NUDCD3: variants seen among roughly 807,000 people sequenced by gnomAD.
NUDCD3 encodes the protein NudC domain containing 3, also known as nudC domain-containing protein 3.
In NUDCD3, 13 loss-of-function variants were observed where a neutral mutation model predicts 39.7. That is an observed-to-expected ratio of 0.33 (90% CI 0.21 to 0.52). The LOEUF (loss-of-function observed/expected upper bound fraction) is 0.52, where lower values mean the gene tolerates loss of function less well. Among genes scored for constraint, NUDCD3 ranks in the 20% least tolerant of loss-of-function variants. The pLI, the probability that NUDCD3 is intolerant of heterozygous loss-of-function variation, is 0.96. For synonymous variants in NUDCD3, 175 were observed against 172.4 expected (o/e 1.02, Z -0.12); for missense variants, 453 against 458.1 (o/e 0.99, Z 0.10).
In NUDCD3 at chr7:44,490,397, CG is replaced by C; in HGVS notation, c.192+11del. The C allele has an allele frequency of 6.5e-7, 1 of 1,535,876 alleles. No individual in the cohort carries two copies. Among genetic ancestry groups the C allele is most frequent in the Non-Finnish European group, 8.8e-7 (1 of 1,142,744 alleles). ...GCGGCGGCTCCCCAGACCGCAGGCC[CG>C]CCCGCCTCACCTGCAGCACCAAGGC... On this transcript the variant is annotated intron_variant, in intron 1 of 5. Coordinates refer to ENST00000355451, the MANE Select transcript of NUDCD3 (RefSeq NM_015332.4).
At chr7:44,403,608 T>C (rs1443796046) in intron 4 of NUDCD3, among the ~76,000 whole-genome samples, 1 of 152,194 alleles carries the variant, frequency 6.6e-6, no homozygotes, top group Non-Finnish European at 1.5e-5. Flanking sequence ...AGAGATAGTT[T>C]GTCCCTGCCA....
chr7:44,435,204 G>A (rs1799441900), intron 2 of NUDCD3, among the ~76,000 whole-genome samples: 1 of 152,088 alleles, frequency 6.6e-6, no homozygotes, highest in African/African-American at 2.4e-5. Context: ...CTTTGGTCTT[G>A]CAATGACAGT....
intron 4 of NUDCD3, among the ~76,000 whole-genome samples, chr7:44,397,923 C>G (rs933466288): frequency 1.3e-5 from 2 of 152,074 alleles, no homozygotes; most frequent in Non-Finnish European, 2.9e-5. Flanking sequence ...ATTTCCACAG[C>G]CTTTTTCCTC....
At chr7:44,432,732 T>A (rs1367243078) in intron 2 of NUDCD3, among the ~76,000 whole-genome samples, 1 of 152,188 alleles carries the variant, frequency 6.6e-6, no homozygotes, top group Non-Finnish European at 1.5e-5. Flanking sequence ...TGCCCTTAAC[T>A]ACATTGCGCA....
At chr7:44,490,237 A>G in intron 1 of NUDCD3, 172 bp downstream of exon 1, 1 of 640,716 alleles carries the variant, frequency 1.6e-6, no homozygotes, top group Non-Finnish European at 2.6e-6. Flanking sequence ...CCTCAGCGGA[A>G]TAAGCTGACA....
At chr7:44,462,647 T>C (rs952377614) in intron 2 of NUDCD3, among the ~76,000 whole-genome samples, 2 of 152,216 alleles carry the variant, frequency 1.3e-5, no homozygotes, top group Non-Finnish European at 2.9e-5. Context: ...TGGGCAGCGT[T>C]AGGTGTCCTT....
In NUDCD3 at chr7:44,483,410, C is replaced by CA. The variant is rs575600602; in HGVS notation, c.509+1557dup. The stretch of plus-strand genomic sequence containing the variant: ...AAGATGAAATAAAGGCATTTTCAGA[C>CA]AAAAAAGCTGAAAGAATTCACTATC... On this transcript the variant is annotated intron_variant, in intron 2 of 5. Coordinates refer to ENST00000355451, the MANE Select transcript of NUDCD3 (RefSeq NM_015332.4). 1.0e-3 allele frequency among the ~76,000 whole-genome samples: 159 copies of CA among 152,184 alleles called. 1 individual carries two copies. Among genetic ancestry groups the CA allele is most frequent in the Admixed American group, 9.7e-3 (149 of 15,286 alleles).
At chr7:44,472,288 T>A (rs1800271253) in intron 2 of NUDCD3, among the ~76,000 whole-genome samples, 1 of 152,178 alleles carries the variant, frequency 6.6e-6, no homozygotes, top group Admixed American at 6.5e-5. Context: ...TAGTCTGCAC[T>A]CCTAGAAAAT....
chr7:44,409,758 G>A (rs1226688868), intron 3 of NUDCD3, among the ~76,000 whole-genome samples: 1 of 152,006 alleles, frequency 6.6e-6, no homozygotes, highest in Non-Finnish European at 1.5e-5. Context: ...GGAAAGTATG[G>A]GAATAACGTC....
intron 2 of NUDCD3, among the ~76,000 whole-genome samples, chr7:44,428,191 T>C (rs1272937439): frequency 4.9e-4 from 74 of 150,436 alleles, no homozygotes; most frequent in Non-Finnish European, 1.2e-4. Flanking sequence ...TCCCAGCACT[T>C]TGGGAGGCCA....
intron 2 of NUDCD3, among the ~76,000 whole-genome samples, chr7:44,476,699 G>C (rs1034428234): frequency 6.6e-6 from 1 of 152,148 alleles, no homozygotes; most frequent in Non-Finnish European, 1.5e-5. Flanking sequence ...CTAAGAAATG[G>C]AATTCGGCAT....
At chr7:44,460,222 G>C (rs1451030531) in intron 2 of NUDCD3, among the ~76,000 whole-genome samples, 1 of 152,188 alleles carries the variant, frequency 6.6e-6, no homozygotes, top group Non-Finnish European at 1.5e-5. Context: ...ATAATATCCA[G>C]ACTCCCATCA....
At position 44,485,265 on chromosome 7, in the gene NUDCD3, T is replaced by C; in HGVS notation, c.212A>G (p.His71Arg). 1 of 1,611,988 alleles carries C rather than the reference T, an allele frequency of 6.2e-7. No individual in the cohort carries two copies. Among genetic ancestry groups the C allele is most frequent in the South Asian group, 1.1e-5 (1 of 90,968 alleles). ...LVLQVFKTFD[H>R]MARQDDEKRR... is the part of the protein sequence containing the mutation. ...CTTCTCATCATCCTGACGGGCCATG[T>C]GGTCAAAGGTTTTGAATACCTAAAA... The change falls in exon 2 of 6, where the codon CAC becomes CGC. Residue 71 changes from histidine to arginine, a missense_variant. His to Arg is a conservative substitution (Grantham distance 29, BLOSUM62 0). Transcript: ENST00000355451.
chr7:44,407,375 G>A (rs1480108007), intron 3 of NUDCD3, among the ~76,000 whole-genome samples: 2 of 151,778 alleles, frequency 1.3e-5, no homozygotes, highest in Admixed American at 1.3e-4. Context: ...AGACCAGCCT[G>A]ACCAACATGG....
At chr7:44,450,467 T>C (rs6960800) in intron 2 of NUDCD3, among the ~76,000 whole-genome samples, 32,348 of 151,448 alleles carry the variant, frequency 0.21, 3,799 homozygotes, top group African/African-American at 0.26. Flanking sequence ...TGTGAGCCAC[T>C]GCGCCCGGCC....
At chr7:44,413,881 C>T (rs750500084) in intron 3 of NUDCD3, among the ~76,000 whole-genome samples, 95 of 152,076 alleles carry the variant, frequency 6.2e-4, no homozygotes, top group Middle Eastern at 3.4e-3. Context: ...CAAAGGAAAA[C>T]CCCATCTCTA....
In NUDCD3 at chr7:44,396,908, A is replaced by G. The variant is rs190920257; in HGVS notation, c.787-4423T>C. Among the ~76,000 whole-genome samples, 176 of 152,372 alleles carry G rather than the reference A, an allele frequency of 1.2e-3. 3 individuals carry two copies. The South Asian group carries it at 0.017, about 15-fold the overall frequency. On this transcript the variant is annotated intron_variant, in intron 4 of 5. Coordinates refer to ENST00000355451, the MANE Select transcript of NUDCD3 (RefSeq NM_015332.4). ...GGAGTTCAAAGACCTCTATCTAAAAATAACACCTCTGATAAAGTAGTCTGA... is the reference window on the plus strand; with the variant it reads ...GGAGTTCAAAGACCTCTATCTAAAAGTAACACCTCTGATAAAGTAGTCTGA...
intron 2 of NUDCD3, chr7:44,468,349 C>CAAAAAAAAGAAAAAAAAAAA: frequency 2.7e-6 from 1 of 375,658 alleles, no homozygotes; most frequent in Non-Finnish European, 4.2e-6. Flanking sequence ...GTAAAAACTG[C>CAAAAAAAAGAAAAAAAAAAA]AAAAAAAAAA....
At chr7:44,391,462 AG>A (rs1374603538) in intron 5 of NUDCD3, among the ~76,000 whole-genome samples, 1 of 152,236 alleles carries the variant, frequency 6.6e-6, no homozygotes, top group Non-Finnish European at 1.5e-5. Flanking sequence ...CCACAAGGTA[AG>A]GTTCCTCCAA....
Sources: gnomAD v4.1 joint callset for allele counts (sites outside exome capture counted in the v4.1 genomes callset) on GRCh38, gnomAD v4.1.1 for gene constraint, MANE v1.5 for transcripts, NCBI Gene and HGNC (gene_info 2026-07-23, HGNC 2026-07-21) for gene names.